The following ACVR1 variants were observed in gnomAD, a reference collection of about 807,000 sequenced individuals.
ACVR1 encodes the protein activin A receptor type 1, also known as activin receptor type-1.
ACVR1 carries 38 observed loss-of-function variants against 57.1 expected under a neutral mutation model. The observed-to-expected ratio is 0.67, with a 90% CI of 0.51 to 0.87. The LOEUF is 0.87. ACVR1 is among the 40% of genes least tolerant of loss of function. ACVR1 has a pLI of 0.00. For synonymous variants in ACVR1, 212 were observed against 228.1 expected, an observed-to-expected ratio of 0.93 and a Z score of 0.63; for missense variants, 463 against 638.2, an observed-to-expected ratio of 0.73 and a Z score of 2.96.
intron 6 of ACVR1, among the ~76,000 whole-genome samples, chr2:157,771,290 A>C (rs1200362136): frequency 6.6e-6 from 1 of 152,242 alleles, no homozygotes; most frequent in African/African-American, 2.4e-5. Context: ...GGCTACTTGG[A>C]GAATACATTT....
chr2:157,802,390 G>A (rs891745214), intron 2 of ACVR1, among the ~76,000 whole-genome samples: 4 of 152,140 alleles, frequency 2.6e-5, no homozygotes, highest in Non-Finnish European at 4.4e-5. Context: ...AAGAGTCGGC[G>A]AATACCCAAG....
At chr2:157,861,839 T>G (rs953696903) in intron 1 of ACVR1, among the ~76,000 whole-genome samples, 1 of 152,240 alleles carries the variant, frequency 6.6e-6, no homozygotes, top group African/African-American at 2.4e-5. Flanking sequence ...TTCACCACCC[T>G]TTAACTTCAA....
rs767222071 is a variant in ACVR1, at chr2:157,789,828, G to GT, written c.68-9229dup. On this transcript the variant is annotated intron_variant, in intron 3 of 10. Coordinates refer to ENST00000434821, the MANE Select transcript of ACVR1 (RefSeq NM_001111067.4). Reference sequence around the variant, plus strand: ...AGCAGGTATAAAATGAAACAAAATAGTTTAACTCCAAAACTTTCTAAAGCT... The same window carrying GT: ...AGCAGGTATAAAATGAAACAAAATAGTTTTAACTCCAAAACTTTCTAAAGCT... Among the ~76,000 whole-genome samples, 6 of 152,306 alleles carry GT rather than the reference G, an allele frequency of 3.9e-5. No individual in the cohort carries two copies. The East Asian group carries it at 9.6e-4, about 24-fold the overall frequency.
At chr2:157,787,971 G>A (rs1392651554) in intron 3 of ACVR1, among the ~76,000 whole-genome samples, 3 of 152,180 alleles carry the variant, frequency 2.0e-5, no homozygotes, top group South Asian at 2.1e-4. Flanking sequence ...CCATCAGCGA[G>A]CCTCCACCAC....
At chr2:157,798,110 G>A (rs1290355045) in intron 3 of ACVR1, among the ~76,000 whole-genome samples, 1 of 152,132 alleles carries the variant, frequency 6.6e-6, no homozygotes, top group Non-Finnish European at 1.5e-5. Flanking sequence ...CATGGCCGTT[G>A]CACTACAAGT....
rs377466501 is a variant in ACVR1, at chr2:157,780,561, A to T, written c.107T>A (p.Val36Glu). 1 of 1,613,826 alleles carries T rather than the reference A, an allele frequency of 6.2e-7. No homozygotes were observed. Among genetic ancestry groups the T allele is most frequent in the Non-Finnish European group, 8.5e-7 (1 of 1,180,002 alleles). Residue 36 changes from valine to glutamate, a missense_variant, in exon 4 of 11, where the codon GTG becomes GAG. Transcript: ENST00000434821. ...PKVNPKLYMCVCEGLSCGNED... is the reference protein window; with the variant it reads ...PKVNPKLYMCECEGLSCGNED... ...ATTACCGCAGGAGAGACCTTCACAC[A>T]CACACATGTAGAGTTTGGGGTTGAC...
chr2:157,787,714 G>A (rs1240790365), intron 3 of ACVR1, among the ~76,000 whole-genome samples: 1 of 152,128 alleles, frequency 6.6e-6, no homozygotes, highest in Non-Finnish European at 1.5e-5. Context: ...ACCTCCTCGG[G>A]CTAACCAGAG....
intron 9 of ACVR1, among the ~76,000 whole-genome samples, chr2:157,756,852 C>A (rs990658150): frequency 3.3e-5 from 5 of 151,478 alleles, no homozygotes; most frequent in Non-Finnish European, 5.9e-5. Context: ...CTTGTACACA[C>A]ATTTATAGCA....
intron 1 of ACVR1, among the ~76,000 whole-genome samples, chr2:157,844,932 G>A (rs139916402): frequency 6.6e-6 from 1 of 152,296 alleles, no homozygotes; most frequent in Non-Finnish European, 1.5e-5. Flanking sequence ...GCCCTCACCA[G>A]ACACCAAATC....
Position 157,766,011 on chromosome 2 carries a change from T to C in ACVR1, c.976A>G (p.Thr326Ala). The change falls in exon 8 of 11, where the codon ACC becomes GCC. Residue 326 changes from threonine to alanine, a missense_variant. Thr to Ala is a moderately conservative substitution (Grantham distance 58, BLOSUM62 0). Around this residue, in one of 3 missense-constraint regions of ACVR1, gnomAD observed 114 missense variants for 216.2 expected, o/e 0.53. Transcript: ENST00000434821. ...LAHLHIEIFG[T>A]QGKPAIAHRD... is the part of the protein sequence containing the mutation. ...TGGGCAATGGCTGGTTTCCCTTGGG[T>C]CCCAAATATCTCTATGTGCAAATGT... 2 of 1,614,184 alleles carry C rather than the reference T, an allele frequency of 1.2e-6. No individual in the cohort carries two copies. Among genetic ancestry groups the C allele is most frequent in the Non-Finnish European group, 1.7e-6 (2 of 1,180,016 alleles).
intron 2 of ACVR1, among the ~76,000 whole-genome samples, chr2:157,807,466 C>G (rs1334482826): frequency 6.6e-6 from 1 of 152,108 alleles, no homozygotes; most frequent in Non-Finnish European, 1.5e-5. Flanking sequence ...TTTGTTTCAA[C>G]TGCTAGGACT....
chr2:157,767,890 A>T (rs1685926834), intron 7 of ACVR1, among the ~76,000 whole-genome samples: 1 of 152,186 alleles, frequency 6.6e-6, no homozygotes, highest in Non-Finnish European at 1.5e-5. Flanking sequence ...CAACCACAAC[A>T]GAGGCAGCTA....
At position 157,736,588 on chromosome 2, in the gene ACVR1, C is replaced by T. The variant is rs935134909; in HGVS notation, c.*943G>A. On this transcript the variant is annotated 3_prime_UTR_variant, in exon 11 of 11. Transcript: ENST00000434821. ...TGAAGAAAATGCATTTTCCCCGTAG[C>T]GTTCAGGACTAAAATTCTACTGAAA... The T allele has an allele frequency of 1.0e-5, 3 of 300,272 alleles. No homozygotes were observed. Among genetic ancestry groups the T allele is most frequent in the African/African-American group, 2.1e-5 (1 of 46,718 alleles). The allele number at this position is 300,272 out of a possible 1,614,324, so 18.6% of individuals were successfully genotyped here. A position where few individuals can be genotyped will look rare whatever the true frequency, so the allele number is the denominator to read the frequency against.
intron 9 of ACVR1, among the ~76,000 whole-genome samples, chr2:157,740,402 A>G (rs1181156149): frequency 6.6e-6 from 1 of 152,166 alleles, no homozygotes; most frequent in African/African-American, 2.4e-5. Context: ...AAATCTTTTA[A>G]TTATTTTCAG....
intron 8 of ACVR1, among the ~76,000 whole-genome samples, chr2:157,762,687 C>T (rs1477109400): frequency 6.6e-6 from 1 of 152,146 alleles, no homozygotes; most frequent in Non-Finnish European, 1.5e-5. Flanking sequence ...TAGACTATGG[C>T]ATAAGTGACA....
intron 8 of ACVR1, among the ~76,000 whole-genome samples, chr2:157,763,787 T>C (rs1685753221): frequency 1.3e-5 from 2 of 152,208 alleles, no homozygotes; most frequent in South Asian, 4.1e-4. Context: ...CCTTAATTGC[T>C]AGGTATATAC....
intron 9 of ACVR1, among the ~76,000 whole-genome samples, chr2:157,747,999 GA>G (rs1320843475): frequency 6.6e-6 from 1 of 152,096 alleles, no homozygotes; most frequent in Non-Finnish European, 1.5e-5. Context: ...CAATAAATTA[GA>G]AAACAATCAA....
chr2:157,843,099 G>A (rs1446502275), intron 1 of ACVR1, among the ~76,000 whole-genome samples: 2 of 152,216 alleles, frequency 1.3e-5, no homozygotes, highest in Non-Finnish European at 2.9e-5. Flanking sequence ...CTTAGAGGAA[G>A]TATAGCTTTA....
intron 9 of ACVR1, among the ~76,000 whole-genome samples, chr2:157,746,885 G>A (rs1684986738): frequency 6.6e-6 from 1 of 152,200 alleles, no homozygotes; most frequent in South Asian, 2.1e-4. Flanking sequence ...ATTGAGAAAT[G>A]CTCAGATGCA....
Sources: allele counts gnomAD v4.1 joint callset (sites outside exome capture counted in the v4.1 genomes callset), GRCh38; gene constraint gnomAD v4.1.1; regional missense constraint gnomAD v4.1.1; transcripts MANE v1.5; gene names NCBI Gene and HGNC (gene_info 2026-07-23, HGNC 2026-07-21).